OR10Q1: variants seen among roughly 807,000 people sequenced by gnomAD.
OR10Q1 encodes olfactory receptor 10Q1.
For synonymous variants in OR10Q1, 211 were observed against 180.5 expected (o/e 1.17, Z -1.35); for missense variants, 435 against 414.0 (o/e 1.05, Z -0.44).
rs201078640 is a variant in OR10Q1 at position 58,228,246 on chromosome 11, G to C, written c.630C>G (p.Leu210=). ...HQAVLYVVSI[L]VLTIPFLLIC... ...TGAGCAGGAAGGGGATGGTCAGCAC[G>C]AGGATGCTCACGACATAGAGGACAG... is the stretch of plus-strand genomic sequence containing the variant. Residue 210 remains leucine, a synonymous_variant, in exon 1 of 1, where the codon CTC becomes CTG. Transcript: ENST00000316770. 1.9e-6 allele frequency: 3 copies of C among 1,613,842 alleles called. No individual in the cohort carries two copies. The highest frequency in any genetic ancestry group is 2.5e-6 in the Non-Finnish European group (3 of 1,180,032).
At position 58,228,500 on chromosome 11, in the gene OR10Q1, G is replaced by A. The variant is rs1219551899; in HGVS notation, c.376C>T (p.Arg126Cys). 8 of 1,613,990 alleles carry A rather than the reference G, an allele frequency of 5.0e-6. No individual in the cohort carries two copies. The highest frequency in any genetic ancestry group is 1.7e-4 in the Middle Eastern group (1 of 6,056). The stretch of plus-strand genomic sequence containing the variant: ...AGCGGGTGGCAGATAGCCACATAGC[G>A]GTCATAGGCCATGATCGCCAAGAGG... The part of the protein sequence containing the change: ...CFLLAIMAYD[R>C]YVAICHPLHY... Residue 126 changes from arginine to cysteine, a missense_variant, in exon 1 of 1, where the codon CGC becomes TGC. Coordinates refer to ENST00000316770, the MANE Select transcript of OR10Q1 (RefSeq NM_001004471.2).
In OR10Q1 at chr11:58,228,246, G is replaced by T; in HGVS notation, c.630C>A (p.Leu210=). The T allele has an allele frequency of 1.2e-6, 2 of 1,613,842 alleles. No homozygotes were observed. Among genetic ancestry groups the T allele is most frequent in the South Asian group, 1.1e-5 (1 of 91,058 alleles). ...TGAGCAGGAAGGGGATGGTCAGCACGAGGATGCTCACGACATAGAGGACAG... is the reference window on the plus strand; with the variant it reads ...TGAGCAGGAAGGGGATGGTCAGCACTAGGATGCTCACGACATAGAGGACAG... ...HQAVLYVVSI[L]VLTIPFLLIC... Residue 210 remains leucine (L), a synonymous_variant, in exon 1 of 1, where the codon CTC becomes CTA. Coordinates refer to ENST00000316770, the MANE Select transcript of OR10Q1 (RefSeq NM_001004471.2).
Position 58,228,195 on chromosome 11 carries a change from G to A in OR10Q1, c.681C>T (p.Thr227=). 2 of 1,614,164 alleles carry A rather than the reference G, an allele frequency of 1.2e-6. No homozygotes were observed. Among genetic ancestry groups the A allele is most frequent in the Non-Finnish European group, 1.7e-6 (2 of 1,180,030 alleles). Residue 227 remains threonine (T), a synonymous_variant, in exon 1 of 1, where the codon ACC becomes ACT. Coordinates refer to ENST00000316770, the MANE Select transcript of OR10Q1 (RefSeq NM_001004471.2). ...LLICVSYVFI[T]CAILSIRSAE... ...CAGAACGGATGCTCAGGATGGCACA[G>A]GTGATGAACACGTAGGAGACGCAGA...
chr11:58,228,090 G>C lies in OR10Q1; in HGVS notation c.786C>G (p.Leu262=). Reference sequence around the variant, plus strand: ...TGCTGGACCGAGGACGCAGGTACACGAGGCTGCAGCAGCCATACTGCAGCA... The same window carrying C: ...TGCTGGACCGAGGACGCAGGTACACCAGGCTGCAGCAGCCATACTGCAGCA... ...VVLLQYGCCS[L]VYLRPRSSTS... Residue 262 remains leucine, a synonymous_variant, in exon 1 of 1, where the codon CTC becomes CTG. Coordinates refer to ENST00000316770, the MANE Select transcript of OR10Q1 (RefSeq NM_001004471.2). 1 of 1,614,174 alleles carries C rather than the reference G, an allele frequency of 6.2e-7. No individual in the cohort carries two copies. The highest frequency in any genetic ancestry group is 8.5e-7 in the Non-Finnish European group (1 of 1,180,034).
rs200453895 is a variant in OR10Q1, at chr11:58,228,620, G to C, written c.256C>G (p.Leu86Val). The change falls in exon 1 of 1, where the codon CTT (leucine) becomes GTT (valine). Residue 86 changes from leucine to valine, a missense_variant. Leu to Val is a conservative substitution (Grantham distance 32). Transcript: ENST00000316770. Reference protein sequence around the residue: ...CYTTVVVPLMLSNILGAQKPI... With the variant: ...CYTTVVVPLMVSNILGAQKPI... The stretch of plus-strand genomic sequence containing the variant: ...TTCTGGGCCCCCAAAATGTTGGAAA[G>C]CATCAAGGGTACTACCACGGTGGTG... 2 of 1,614,150 alleles carry C rather than the reference G, an allele frequency of 1.2e-6. No individual in the cohort carries two copies. The highest frequency in any genetic ancestry group is 8.5e-7 in the Non-Finnish European group (1 of 1,180,032).
Position 58,228,388 on chromosome 11 carries a change from A to T in OR10Q1, c.488T>A (p.Leu163His). The T allele has an allele frequency of 3.1e-6, 5 of 1,613,962 alleles. No individual in the cohort carries two copies. The highest frequency in any genetic ancestry group is 4.2e-6 in the Non-Finnish European group (5 of 1,180,024). ...GGGCAGGGTGAAGATTAAGGCGGTG[A>T]GCTGCAGGGAGGGGAAGAGGGCCAG... ...LGLALFPSLQLTALIFTLPFC... is the reference protein window; with the variant it reads ...LGLALFPSLQHTALIFTLPFC... The change falls in exon 1 of 1, where the codon CTC becomes CAC. Residue 163 changes from leucine (L) to histidine (H), a missense_variant. Transcript: ENST00000316770.
Position 58,228,472 on chromosome 11 carries a change from T to C in OR10Q1, c.404A>G (p.His135Arg), listed in dbSNP as rs1378829403. Residue 135 changes from histidine (H) to arginine (R), a missense_variant, in exon 1 of 1, where the codon CAC (histidine) becomes CGC (arginine). Coordinates refer to ENST00000316770, the MANE Select transcript of OR10Q1 (RefSeq NM_001004471.2). ...CTCGCGGGTCATGATGAGGGTGTAG[T>C]GCAGCGGGTGGCAGATAGCCACATA... The part of the protein sequence containing the change: ...DRYVAICHPL[H>R]YTLIMTRELC... 3 of 1,613,904 alleles carry C rather than the reference T, an allele frequency of 1.9e-6. No individual in the cohort carries two copies. The highest frequency in any genetic ancestry group is 2.5e-6 in the Non-Finnish European group (3 of 1,180,024).
chr11:58,227,992 T>TA lies in OR10Q1; in HGVS notation c.883dup (p.Tyr295LeufsTer4). 6.2e-7 allele frequency: 1 copy of TA among 1,614,104 alleles called. No homozygotes were observed. The highest frequency in any genetic ancestry group is 1.6e-4 in the Middle Eastern group (1 of 6,062). On this transcript the variant is annotated frameshift_variant, in exon 1 of 1. Transcript: ENST00000316770. LOFTEE classifies it low-confidence loss of function (END_TRUNC). ...TTTGACATCCTTGTTCCTAAGGCTG[T>TA]AAAGCAAAGGGTTGAGTAAGGGGGT... is the stretch of plus-strand genomic sequence containing the variant.
In OR10Q1 at chr11:58,228,490, G is replaced by C. The variant is rs1853117154; in HGVS notation, c.386C>G (p.Ala129Gly). Residue 129 changes from alanine to glycine, a missense_variant, in exon 1 of 1, where the codon GCT becomes GGT. Transcript: ENST00000316770. The stretch of plus-strand genomic sequence containing the variant: ...GGTGTAGTGCAGCGGGTGGCAGATA[G>C]CCACATAGCGGTCATAGGCCATGAT... ...LAIMAYDRYV[A>G]ICHPLHYTLI... 2 of 1,614,110 alleles carry C rather than the reference G, an allele frequency of 1.2e-6. No individual in the cohort carries two copies. Among genetic ancestry groups the C allele is most frequent in the Non-Finnish European group, 8.5e-7 (1 of 1,180,032 alleles).
At position 58,227,962 on chromosome 11, in the gene OR10Q1, G is replaced by A. The variant is rs112618165; in HGVS notation, c.914C>T (p.Ala305Val). The A allele has an allele frequency of 6.2e-7, 1 of 1,614,098 alleles. No individual in the cohort carries two copies. The highest frequency in any genetic ancestry group is 1.1e-5 in the South Asian group (1 of 91,078). Reference protein sequence around the residue: ...YSLRNKDVKGALRSAIIRKAA... With the variant: ...YSLRNKDVKGVLRSAIIRKAA... ...TTTACGGATAATGGCACTCCTCAGA[G>A]CACCTTTGACATCCTTGTTCCTAAG... The change falls in exon 1 of 1, where the codon GCT (alanine) becomes GTT (valine). Residue 305 changes from alanine (A) to valine (V), a missense_variant. Physicochemically the swap from Ala to Val is moderately conservative, Grantham distance 64. Transcript: ENST00000316770.
rs749665776 is a variant in OR10Q1, at chr11:58,228,039, G to A, written c.837C>T (p.Ile279=). ...GGGTGACAAAGGTGTAGACCAACGC[G>A]ATTTGGCTGTCCTCATCCTCTGAGG... is the stretch of plus-strand genomic sequence containing the variant. ...SSTSEDEDSQ[I]ALVYTFVTPL... Residue 279 remains isoleucine (I), a synonymous_variant, in exon 1 of 1, where the codon ATC becomes ATT. Coordinates refer to ENST00000316770, the MANE Select transcript of OR10Q1 (RefSeq NM_001004471.2). 2.5e-6 allele frequency: 4 copies of A among 1,614,160 alleles called. No individual in the cohort carries two copies. The highest frequency in any genetic ancestry group is 1.6e-4 in the Middle Eastern group (1 of 6,062).
rs1853126733 is a variant in OR10Q1 at position 58,228,852 on chromosome 11, G to A, written c.24C>T (p.Phe8=). 1.9e-6 allele frequency: 3 copies of A among 1,614,038 alleles called. No individual in the cohort carries two copies. The East Asian group carries it at 6.7e-5, about 36-fold the overall frequency. MPVGKLV[F]NQSEPTEFVF... is the part of the protein sequence containing the mutation. Reference sequence around the variant, plus strand: ...CAAACTCAGTGGGCTCAGACTGGTTGAAGACAAGTTTCCCCACAGGCATGT... The same window carrying A: ...CAAACTCAGTGGGCTCAGACTGGTTAAAGACAAGTTTCCCCACAGGCATGT... Residue 8 remains phenylalanine, a synonymous_variant, in exon 1 of 1, where the codon TTC becomes TTT. Coordinates refer to ENST00000316770, the MANE Select transcript of OR10Q1 (RefSeq NM_001004471.2).
In OR10Q1 at chr11:58,228,877, T is replaced by C; in HGVS notation, c.-2A>G. On this transcript the variant is annotated 5_prime_UTR_variant, in exon 1 of 1. Coordinates refer to ENST00000316770, the MANE Select transcript of OR10Q1 (RefSeq NM_001004471.2). ...GAAGACAAGTTTCCCCACAGGCATG[T>C]CTTATGCAAAAGAATAGGACGCGCT... 6.2e-7 allele frequency: 1 copy of C among 1,613,302 alleles called. No individual in the cohort carries two copies. Among genetic ancestry groups the C allele is most frequent in the Non-Finnish European group, 8.5e-7 (1 of 1,179,490 alleles).
In OR10Q1 at chr11:58,228,792, C is replaced by T; in HGVS notation, c.84G>A (p.Gln28=). The T allele has an allele frequency of 6.2e-7, 1 of 1,614,040 alleles. No individual in the cohort carries two copies. The highest frequency in any genetic ancestry group is 1.1e-5 in the South Asian group (1 of 91,076). Residue 28 remains glutamine, a synonymous_variant, in exon 1 of 1, where the codon CAG becomes CAA. Coordinates refer to ENST00000316770, the MANE Select transcript of OR10Q1 (RefSeq NM_001004471.2). Reference sequence around the variant, plus strand: ...GGAGGAAGAGAAGGAAGAGAAGAACCTGGAATTCAGTGGCTGTGGTGAACG... The same window carrying T: ...GGAGGAAGAGAAGGAAGAGAAGAACTTGGAATTCAGTGGCTGTGGTGAACG... ...FRAFTTATEF[Q]VLLFLLFLLL... is the part of the protein sequence containing the mutation.
Position 58,228,790 on chromosome 11 carries a change from A to G in OR10Q1, c.86T>C (p.Val29Ala). 2 of 1,613,824 alleles carry G rather than the reference A, an allele frequency of 1.2e-6. No individual in the cohort carries two copies. Among genetic ancestry groups the G allele is most frequent in the Non-Finnish European group, 1.7e-6 (2 of 1,179,948 alleles). ...RAFTTATEFQ[V>A]LLFLLFLLLY... ...GAGGAGGAAGAGAAGGAAGAGAAGA[A>G]CCTGGAATTCAGTGGCTGTGGTGAA... Residue 29 changes from valine (V) to alanine (A), a missense_variant, in exon 1 of 1, where the codon GTT becomes GCT. Val to Ala is a moderately conservative substitution (Grantham distance 64, BLOSUM62 0). Coordinates refer to ENST00000316770, the MANE Select transcript of OR10Q1 (RefSeq NM_001004471.2).
At position 58,227,909 on chromosome 11, in the gene OR10Q1, T is replaced by A; in HGVS notation, c.*7A>T. On this transcript the variant is annotated 3_prime_UTR_variant, in exon 1 of 1. Coordinates refer to ENST00000316770, the MANE Select transcript of OR10Q1 (RefSeq NM_001004471.2). ...AGACAGACACCCAGCCCAGTGCCCC[T>A]AAGCCTTCAGTTGGCGTCAGAGGCT... The A allele has an allele frequency of 6.2e-7, 1 of 1,603,562 alleles. No homozygotes were observed. Among genetic ancestry groups the A allele is most frequent in the Non-Finnish European group, 8.5e-7 (1 of 1,173,654 alleles).
At position 58,228,506 on chromosome 11, in the gene OR10Q1, A is replaced by T; in HGVS notation, c.370T>A (p.Tyr124Asn). Residue 124 changes from tyrosine (Y) to asparagine (N), a missense_variant, in exon 1 of 1, where the codon TAT (tyrosine) becomes AAT (asparagine). Tyr to Asn is a moderately radical substitution (Grantham distance 143, BLOSUM62 -2). Coordinates refer to ENST00000316770, the MANE Select transcript of OR10Q1 (RefSeq NM_001004471.2). ...TGGCAGATAGCCACATAGCGGTCAT[A>T]GGCCATGATCGCCAAGAGGAAACAG... is the stretch of plus-strand genomic sequence containing the variant. ...TDCFLLAIMA[Y>N]DRYVAICHPL... 6.2e-7 allele frequency: 1 copy of T among 1,613,970 alleles called. No homozygotes were observed. Among genetic ancestry groups the T allele is most frequent in the Non-Finnish European group, 8.5e-7 (1 of 1,179,944 alleles).
In OR10Q1 at chr11:58,228,101, A is replaced by G; in HGVS notation, c.775T>C (p.Cys259Arg). The change falls in exon 1 of 1, where the codon TGC (cysteine) becomes CGC (arginine). Residue 259 changes from cysteine (C) to arginine (R), a missense_variant. Cys to Arg is a radical substitution (Grantham distance 180, BLOSUM62 -3). Transcript: ENST00000316770. ...GGACGCAGGTACACGAGGCTGCAGC[A>G]GCCATACTGCAGCAGGACCACGGTG... The part of the protein sequence containing the change: ...HLTVVLLQYG[C>R]CSLVYLRPRS... The G allele has an allele frequency of 1.2e-6, 2 of 1,614,208 alleles. No individual in the cohort carries two copies. Among genetic ancestry groups the G allele is most frequent in the East Asian group, 4.5e-5 (2 of 44,874 alleles).
rs1365182175 is a variant in OR10Q1 at position 58,228,016 on chromosome 11, G to A, written c.860C>T (p.Thr287Ile). The A allele has an allele frequency of 6.2e-7, 1 of 1,614,134 alleles. No individual in the cohort carries two copies. Among genetic ancestry groups the A allele is most frequent in the African/African-American group, 1.3e-5 (1 of 75,030 alleles). ...SQIALVYTFV[T>I]PLLNPLLYSL... ...GTAAAGCAAAGGGTTGAGTAAGGGG[G>A]TGACAAAGGTGTAGACCAACGCGAT... Residue 287 changes from threonine (T) to isoleucine (I), a missense_variant, in exon 1 of 1, where the codon ACC becomes ATC. Thr to Ile is a moderately conservative substitution (Grantham distance 89, BLOSUM62 -1). Coordinates refer to ENST00000316770, the MANE Select transcript of OR10Q1 (RefSeq NM_001004471.2).
Sources: gnomAD v4.1 joint callset for allele counts on GRCh38, gnomAD v4.1.1 for gene constraint, MANE v1.5 for transcripts, NCBI Gene and HGNC (gene_info 2026-07-23, HGNC 2026-07-21) for gene names.